The following DYNLRB2 variants were observed in gnomAD, a reference collection of about 807,000 sequenced individuals.
DYNLRB2 encodes the protein dynein light chain roadblock-type 2.
In DYNLRB2, 14 loss-of-function variants were observed where a neutral mutation model predicts 12.6. The ratio of observed to expected loss-of-function variants is 1.11; its 90% confidence interval spans 0.73 to 1.73. The LOEUF is 1.73. DYNLRB2 is among the 40% of genes most tolerant of loss of function. The pLI, the probability that DYNLRB2 is intolerant of heterozygous loss-of-function variation, is 0.00. For synonymous variants in DYNLRB2, 53 were observed against 37.0 expected, an observed-to-expected ratio of 1.43 and a Z score of -1.57; for missense variants, 142 against 117.7, an observed-to-expected ratio of 1.21 and a Z score of -0.95.
intron 2 of DYNLRB2, among the ~76,000 whole-genome samples, chr16:80,543,834 T>C (rs1904313592): frequency 6.6e-6 from 1 of 152,212 alleles, no homozygotes; most frequent in South Asian, 2.1e-4. Context: ...TCTTTGTGGA[T>C]ATAGCATAAG....
At chr16:80,549,292 CACAACTATACTTAAAAATCT>C (rs1904685464) in intron 2 of DYNLRB2, 172 bp from the exon 3 acceptor site, 1 of 546,478 alleles carries the variant, frequency 1.8e-6, no homozygotes, top group East Asian at 3.0e-5. Context: ...TATAGTTTCA[CACAACTATACTTAAAAATCT>C]ACGTAGCGAC....
Position 80,549,649 on chromosome 16 carries a change from C to G in DYNLRB2, c.245C>G (p.Pro82Arg). 1 of 1,586,842 alleles carries G rather than the reference C, an allele frequency of 6.3e-7. No individual in the cohort carries two copies. Among genetic ancestry groups the G allele is most frequent in the Non-Finnish European group, 8.6e-7 (1 of 1,160,992 alleles). Reference protein sequence around the residue: ...RSKKHEIMVAPDKEYLLIVIQ... With the variant: ...RSKKHEIMVARDKEYLLIVIQ... Reference sequence around the variant, plus strand: ...AAGAAACATGAAATCATGGTAGCTCCAGGTAATTTGGCATTTCATTTCCTA... The same window carrying G: ...AAGAAACATGAAATCATGGTAGCTCGAGGTAATTTGGCATTTCATTTCCTA... The change falls in exon 3 of 4, where the codon CCA (proline) becomes CGA (arginine). Residue 82 changes from proline to arginine, a missense_variant and splice_region_variant. Physicochemically the swap from Pro to Arg is moderately radical, Grantham distance 103. Transcript: ENST00000305904.
chr16:80,549,581 T>C lies in DYNLRB2; in HGVS notation c.177T>C (p.Asp59=). ...TGAAAGCCAAAAGCACAGTTCGTGA[T>C]ATTGATCCTCAGAACGACCTGACTT... ...LTMKAKSTVR[D]IDPQNDLTFL... The change falls in exon 3 of 4, where the codon GAT becomes GAC. Residue 59 remains aspartate (D), a synonymous_variant. Coordinates refer to ENST00000305904, the MANE Select transcript of DYNLRB2 (RefSeq NM_130897.3). The C allele has an allele frequency of 6.2e-7, 1 of 1,612,730 alleles. No individual in the cohort carries two copies. Among genetic ancestry groups the C allele is most frequent in the Non-Finnish European group, 8.5e-7 (1 of 1,179,054 alleles).
chr16:80,547,425 G>A (rs1391874847), intron 2 of DYNLRB2, among the ~76,000 whole-genome samples: 1 of 152,104 alleles, frequency 6.6e-6, no homozygotes, highest in African/African-American at 2.4e-5. Flanking sequence ...CCAAGCAAGA[G>A]TTCAATAAAT....
rs79420254 is a variant in DYNLRB2 at position 80,541,317 on chromosome 16, G to A, written c.3+238G>A. On this transcript the variant is annotated intron_variant, in intron 1 of 3. Transcript: ENST00000305904. ...ATTTCGCGGGGATGGTACATAAGGAGGGGTGATGTTGAGAAAGGGAAGAGA... is the reference window on the plus strand; with the variant it reads ...ATTTCGCGGGGATGGTACATAAGGAAGGGTGATGTTGAGAAAGGGAAGAGA... The A allele has an allele frequency of 1.3e-3, 1,300 of 979,458 alleles. 14 individuals are homozygous for A. In the African/African-American group the frequency reaches 0.022, roughly 16 times the overall value. 60.7% of individuals were successfully genotyped at this position (979,458 alleles called of 1,614,324 possible). A position where few individuals can be genotyped will look rare whatever the true frequency, so the allele number is the denominator to read the frequency against.
At chr16:80,547,511 T>TATG (rs1904550466) in intron 2 of DYNLRB2, among the ~76,000 whole-genome samples, 1 of 151,952 alleles carries the variant, frequency 6.6e-6, no homozygotes, top group African/African-American at 2.4e-5. Context: ...GCACACTTAT[T>TATG]CAAAAAGGCT....
At chr16:80,545,598 G>A (rs1904403156) in intron 2 of DYNLRB2, among the ~76,000 whole-genome samples, 2 of 149,956 alleles carry the variant, frequency 1.3e-5, no homozygotes, top group African/African-American at 2.4e-5. Flanking sequence ...TTATTTTCCT[G>A]AGGTTCCTCA....
intron 2 of DYNLRB2, among the ~76,000 whole-genome samples, chr16:80,545,311 ATAAG>A (rs1382525108): frequency 6.6e-6 from 1 of 152,212 alleles, no homozygotes; most frequent in Non-Finnish European, 1.5e-5. Context: ...AACAGAAAAA[ATAAG>A]TAAATAAATG....
rs1001984337 is a variant in DYNLRB2, at chr16:80,549,414, A to G, written c.80-70A>G. ...TCTTTACAACTATCAGTGTTTTCCAATACTTCCACACTGTACTTATTACTT... is the reference window on the plus strand; with the variant it reads ...TCTTTACAACTATCAGTGTTTTCCAGTACTTCCACACTGTACTTATTACTT... On this transcript the variant is annotated intron_variant, in intron 2 of 3. Coordinates refer to ENST00000305904, the MANE Select transcript of DYNLRB2 (RefSeq NM_130897.3). 4.3e-6 allele frequency: 6 copies of G among 1,394,272 alleles called. No individual in the cohort carries two copies. The African/African-American group carries it at 5.8e-5, about 13-fold the overall frequency. The allele number at this position is 1,394,272 out of a possible 1,614,324, so 86.4% of individuals were successfully genotyped here. A position where few individuals can be genotyped will look rare whatever the true frequency, so the allele number is the denominator to read the frequency against.
intron 2 of DYNLRB2, among the ~76,000 whole-genome samples, chr16:80,545,631 G>A (rs1206263467): frequency 1.4e-5 from 2 of 143,356 alleles, no homozygotes; most frequent in African/African-American, 5.1e-5. Context: ...CTTATCCGAA[G>A]GCAACAAAAT....
At chr16:80,544,645 T>G (rs1904339744) in intron 2 of DYNLRB2, 1 of 152,188 alleles carries the variant, frequency 6.6e-6, no homozygotes, top group East Asian at 1.9e-4. Context: ...TTGGCTACAG[T>G]AACAAACTAC....
intron 2 of DYNLRB2, among the ~76,000 whole-genome samples, chr16:80,545,666 C>CTTTTTTTTTTTTTTTTTTTTTTTTTTTTT (rs775659372): frequency 2.7e-5 from 2 of 74,886 alleles, no homozygotes; most frequent in Non-Finnish European, 2.5e-5. Flanking sequence ...CCATTAGCTT[C>CTTTTTTTTTTTTTTTTTTTTTTTTTTTTT]TTTTTTTTTT....
intron 2 of DYNLRB2, 138 bp downstream of exon 2, chr16:80,543,489 C>A (rs1422251806): frequency 2.6e-6 from 2 of 778,084 alleles, no homozygotes; most frequent in African/African-American, 1.7e-5. Flanking sequence ...CATTCACTTA[C>A]CAAACATCTA....
chr16:80,542,460 T>G (rs985374968), intron 1 of DYNLRB2, among the ~76,000 whole-genome samples: 1 of 152,208 alleles, frequency 6.6e-6, no homozygotes, highest in Non-Finnish European at 1.5e-5. Context: ...AATGTTCACC[T>G]GTGCAATACT....
chr16:80,542,044 G>C (rs754237910), intron 1 of DYNLRB2, among the ~76,000 whole-genome samples: 1 of 152,110 alleles, frequency 6.6e-6, no homozygotes, highest in Non-Finnish European at 1.5e-5. Flanking sequence ...GTTGCTATTA[G>C]GTCCTTAATA....
intron 2 of DYNLRB2, chr16:80,549,191 G>A: frequency 2.8e-6 from 1 of 356,806 alleles, no homozygotes; most frequent in African/African-American, 2.1e-5. Flanking sequence ...GAAGTATGCA[G>A]TTATTAAAAA....
In DYNLRB2 at chr16:80,548,519, G is replaced by A. The variant is rs1045564198; in HGVS notation, c.80-965G>A. Among the ~76,000 whole-genome samples the A allele has an allele frequency of 5.9e-5, 9 of 152,244 alleles. No homozygotes were observed. The South Asian group carries it at 8.3e-4, about 14-fold the overall frequency. On this transcript the variant is annotated intron_variant, in intron 2 of 3. Transcript: ENST00000305904. ...GAGGCGGGTGGATTACCTGAGGTCA[G>A]GAGTTCAGCCTAACCAACATGGTGA...
At chr16:80,541,477 G>C (rs138538953) in intron 1 of DYNLRB2, 2 of 745,860 alleles carry the variant, frequency 2.7e-6, no homozygotes, top group African/African-American at 3.7e-5. Context: ...AGGTGGGACA[G>C]GGAAAGCAAG....
chr16:80,541,499 G>C (rs1904287881), intron 1 of DYNLRB2: 1 of 603,674 alleles, frequency 1.7e-6, no homozygotes. Context: ...GAATGGAAGG[G>C]TGAGAAGGGA....
Sources: gnomAD v4.1 joint callset for allele counts (sites outside exome capture counted in the v4.1 genomes callset) on GRCh38, gnomAD v4.1.1 for gene constraint, MANE v1.5 for transcripts, NCBI Gene and HGNC (gene_info 2026-07-23, HGNC 2026-07-21) for gene names.